The following REPS2 variants were observed in gnomAD, a reference collection of about 807,000 sequenced individuals.
REPS2 encodes ralBP1-associated Eps domain-containing protein 2.
REPS2 carries 23 observed loss-of-function variants against 53.6 expected under a neutral mutation model. The observed-to-expected ratio is 0.43, with a 90% CI of 0.31 to 0.61. REPS2 has a LOEUF of 0.61. Ranked by LOEUF, REPS2 falls within the 20% of genes least tolerant of loss-of-function variation. The probability of loss-of-function intolerance (pLI) is 0.11; values close to 1 mark genes in which losing one functional copy is unlikely to be tolerated. For missense variants in REPS2, 446 were observed against 534.9 expected, an observed-to-expected ratio of 0.83 and a Z score of 1.64; for synonymous variants, 238 against 218.6, an observed-to-expected ratio of 1.09 and a Z score of -0.78.
At chrX:17,068,560 G>A (rs1194952965) in intron 10 of REPS2, 89 bp downstream of exon 10, 2 of 691,775 alleles carry the variant, frequency 2.9e-6, no homozygotes, top group Non-Finnish European at 4.4e-6. Context: ...TAGAGCATAT[G>A]AGGGTGGTTC....
intron 14 of REPS2, among the ~76,000 whole-genome samples, chrX:17,128,786 ACTGT>A (rs2063253689): frequency 8.9e-6 from 1 of 112,668 alleles, no homozygotes; most frequent in African/African-American, 3.2e-5. Context: ...GAGTGGCAGC[ACTGT>A]CTAAGTCCAG....
chrX:16,974,761 T>G (rs2060935642), intron 1 of REPS2, among the ~76,000 whole-genome samples: 1 of 111,613 alleles, frequency 9.0e-6, no homozygotes, highest in Non-Finnish European at 1.9e-5. Flanking sequence ...GCTGATTTGT[T>G]GTATAGGTAA....
intron 1 of REPS2, among the ~76,000 whole-genome samples, chrX:16,974,318 A>G (rs367914197): frequency 5.4e-5 from 6 of 111,306 alleles, no homozygotes; most frequent in African/African-American, 1.6e-4. Flanking sequence ...GACATTTTGA[A>G]CAATGACAAA....
chrX:17,018,928 A>C (rs2061535403), intron 2 of REPS2, among the ~76,000 whole-genome samples: 1 of 110,616 alleles, frequency 9.0e-6, no homozygotes, highest in Non-Finnish European at 1.9e-5. Context: ...CAGCCTCCTG[A>C]GTAGCTGGGA....
the REPS2 span, among the ~76,000 whole-genome samples, chrX:17,189,148 T>A: frequency 3.6e-5 from 4 of 111,967 alleles, no homozygotes; most frequent in Non-Finnish European, 7.5e-5. Flanking sequence ...TTTCAAAGGT[T>A]CCTGCTGCTT....
At chrX:16,978,943 G>T (rs778476467) in intron 1 of REPS2, among the ~76,000 whole-genome samples, 1 of 111,504 alleles carries the variant, frequency 9.0e-6, no homozygotes, top group South Asian at 3.8e-4. Context: ...ATGAGGAAAG[G>T]CAAGAAACCA....
intron 1 of REPS2, among the ~76,000 whole-genome samples, chrX:16,959,871 C>T (rs1484420569): frequency 9.0e-6 from 1 of 111,413 alleles, no homozygotes; most frequent in Non-Finnish European, 1.9e-5. Flanking sequence ...ACCAAGATAC[C>T]ATAAGAGGAG....
chrX:17,143,853 C>A (rs776485033), intron 17 of REPS2, among the ~76,000 whole-genome samples: 153 of 111,128 alleles, frequency 1.4e-3, no homozygotes, highest in Middle Eastern at 4.7e-3. Flanking sequence ...TTTTTATGGT[C>A]ATTTTTCTTT....
chrX:17,054,942 T>C lies in REPS2; in HGVS notation c.1106T>C (p.Leu369Pro). The change falls in exon 8 of 18, where the codon CTG becomes CCG. Residue 369 changes from leucine (L) to proline (P), a missense_variant. Transcript: ENST00000357277. ...GLPPTLQPEYLQAAFPKPKWD... is the reference protein window; with the variant it reads ...GLPPTLQPEYPQAAFPKPKWD... Reference sequence around the variant, plus strand: ...CCTCCAACTCTGCAGCCAGAATACCTGCAGGCAGGTAAGGCCTCACCATCA... The same window carrying C: ...CCTCCAACTCTGCAGCCAGAATACCCGCAGGCAGGTAAGGCCTCACCATCA... 8.3e-7 allele frequency: 1 copy of C among 1,210,997 alleles called. No homozygotes were observed. Among genetic ancestry groups the C allele is most frequent in the Non-Finnish European group, 1.1e-6 (1 of 895,106 alleles).
intron 1 of REPS2, among the ~76,000 whole-genome samples, chrX:16,964,376 C>T (rs1189477857): frequency 9.1e-6 from 1 of 109,417 alleles, no homozygotes; most frequent in African/African-American, 3.4e-5. Context: ...GATCCCAAGG[C>T]AGAAGAATTT....
chrX:17,127,885 T>C (rs940377742), intron 14 of REPS2, among the ~76,000 whole-genome samples: 3 of 111,944 alleles, frequency 2.7e-5, no homozygotes, highest in Non-Finnish European at 5.6e-5. Flanking sequence ...AAGGCTTAAC[T>C]GGAGCTGATG....
At chrX:17,128,224 G>A (rs2063241657) in intron 14 of REPS2, among the ~76,000 whole-genome samples, 1 of 111,383 alleles carries the variant, frequency 9.0e-6, no homozygotes, top group Non-Finnish European at 1.9e-5. Flanking sequence ...GGAGGAGAGG[G>A]AAGAAAAGTA....
At chrX:17,014,276 A>G in intron 2 of REPS2, among the ~76,000 whole-genome samples, 1 of 111,594 alleles carries the variant, frequency 9.0e-6, no homozygotes, top group African/African-American at 3.3e-5. Context: ...GCTGCTTGCT[A>G]GCAGCAGAGC....
At chrX:17,156,704 A>G (rs1054195964), downstream of REPS2, among the ~76,000 whole-genome samples, 1 of 111,760 alleles carries the variant, frequency 8.9e-6, no homozygotes, top group Non-Finnish European at 1.9e-5. Flanking sequence ...GTTAATAAAA[A>G]CTACAAGGCT....
At chrX:17,006,003 T>A (rs112013162) in intron 1 of REPS2, among the ~76,000 whole-genome samples, 113 of 112,023 alleles carry the variant, frequency 1.0e-3, no homozygotes, top group African/African-American at 3.5e-3. Context: ...AGTGGCTCAC[T>A]TCTGAAACAT....
At chrX:17,038,845 G>A (rs779286082) in intron 5 of REPS2, among the ~76,000 whole-genome samples, 76 of 112,200 alleles carry the variant, frequency 6.8e-4, no homozygotes, top group Non-Finnish European at 1.3e-3. Context: ...GGCCCTGTGG[G>A]CTATGTGACT....
At chrX:17,162,980 AT>A in the REPS2 span, among the ~76,000 whole-genome samples, 4 of 112,108 alleles carry the variant, frequency 3.6e-5, no homozygotes, top group Non-Finnish European at 7.5e-5. Context: ...AAACAAGAAA[AT>A]ATGCCCCAAA....
At chrX:16,989,266 AC>A (rs1227444822) in intron 1 of REPS2, among the ~76,000 whole-genome samples, 8 of 102,798 alleles carry the variant, frequency 7.8e-5, no homozygotes, top group African/African-American at 2.8e-4. Flanking sequence ...AAAAAAAAAA[AC>A]TCTTGCTGTA....
chrX:17,159,645 AG>A, the REPS2 span, among the ~76,000 whole-genome samples: 1 of 111,495 alleles, frequency 9.0e-6, no homozygotes. Context: ...AGTGCCCCCC[AG>A]CCCCCCAATG....
Sources: gnomAD v4.1 joint callset for allele counts (sites outside exome capture counted in the v4.1 genomes callset) on GRCh38, gnomAD v4.1.1 for gene constraint, MANE v1.5 for transcripts, NCBI Gene and HGNC (gene_info 2026-07-23, HGNC 2026-07-21) for gene names.